IGF1R: variants seen among roughly 807,000 people sequenced by gnomAD.
The protein encoded by IGF1R is insulin-like growth factor 1 receptor.
In IGF1R, 44 loss-of-function variants were observed where a neutral mutation model predicts 144.6. The observed-to-expected ratio is 0.30, with a 90% CI of 0.24 to 0.39. The LOEUF (loss-of-function observed/expected upper bound fraction) is 0.39, where lower values mean the gene tolerates loss of function less well. IGF1R is among the 10% of genes least tolerant of loss of function. The probability of loss-of-function intolerance (pLI) is 1.00; values close to 1 mark genes in which losing one functional copy is unlikely to be tolerated. For missense variants in IGF1R, 1,355 were observed against 1,833.7 expected (o/e 0.74, Z 4.77); for synonymous variants, 795 against 722.8 (o/e 1.10, Z -1.60).
chr15:98,929,273 G>A (rs534994239), intron 13 of IGF1R, among the ~76,000 whole-genome samples: 1 of 152,206 alleles, frequency 6.6e-6, no homozygotes, highest in African/African-American at 2.4e-5. Context: ...TGCGTACAAA[G>A]ATTATTTTTC....
At chr15:98,721,420 A>G (rs2054243590) in intron 2 of IGF1R, among the ~76,000 whole-genome samples, 1 of 152,168 alleles carries the variant, frequency 6.6e-6, no homozygotes, top group Non-Finnish European at 1.5e-5. Flanking sequence ...CCCGTGGAGG[A>G]GATACTCTGT....
At chr15:98,682,146 C>T (rs1325175099) in intron 1 of IGF1R, among the ~76,000 whole-genome samples, 1 of 152,160 alleles carries the variant, frequency 6.6e-6, no homozygotes. Context: ...TATTTGGTCA[C>T]AGGAAGTGTT....
intron 2 of IGF1R, among the ~76,000 whole-genome samples, chr15:98,878,343 G>A (rs1169225572): frequency 6.6e-6 from 1 of 152,242 alleles, no homozygotes; most frequent in African/African-American, 2.4e-5. Flanking sequence ...AAATAGGGCT[G>A]TAAGCATGAA....
At position 98,857,546 on chromosome 15, in the gene IGF1R, C is replaced by G. The variant is rs2011897497; in HGVS notation, c.641-33779C>G. 2.0e-5 allele frequency among the ~76,000 whole-genome samples: 3 copies of G among 152,162 alleles called. No homozygotes were observed. The South Asian group carries it at 6.2e-4, about 32-fold the overall frequency. On this transcript the variant is annotated intron_variant, in intron 2 of 20. Coordinates refer to ENST00000650285, the MANE Select transcript of IGF1R (RefSeq NM_000875.5). The stretch of plus-strand genomic sequence containing the variant: ...CGTCTTTAAAAATAAATGTAAATAC[C>G]CAAGGCTCACAGTTCCGTTCTTCCA...
intron 1 of IGF1R, among the ~76,000 whole-genome samples, chr15:98,697,276 T>G (rs189000672): frequency 3.7e-4 from 56 of 152,270 alleles, no homozygotes; most frequent in African/African-American, 1.3e-3. Context: ...AAACATCAGA[T>G]AGTGAGAACC....
At chr15:98,690,613 C>T (rs1326200858) in intron 1 of IGF1R, among the ~76,000 whole-genome samples, 7 of 152,102 alleles carry the variant, frequency 4.6e-5, no homozygotes, top group Non-Finnish European at 1.0e-4. Context: ...TTTAAGTATA[C>T]AATTAATATG....
chr15:98,857,169 A>G (rs1567164067), intron 2 of IGF1R, among the ~76,000 whole-genome samples: 4 of 152,332 alleles, frequency 2.6e-5, no homozygotes, highest in Middle Eastern at 3.4e-3. Flanking sequence ...AGAAGCTTCT[A>G]TAAAGTGACC....
chr15:98,942,490 C>T (rs2016401595), intron 18 of IGF1R, among the ~76,000 whole-genome samples: 1 of 152,152 alleles, frequency 6.6e-6, no homozygotes, highest in African/African-American at 2.4e-5. Flanking sequence ...CACACCACCA[C>T]TCACAACTGA....
chr15:98,891,464 T>C lies in IGF1R; in HGVS notation c.780T>C (p.Cys260=), dbSNP rs777869864. Residue 260 remains cysteine, a synonymous_variant, in exon 3 of 21, where the codon TGT becomes TGC. Transcript: ENST00000650285. This position sits in a 1 kb window ranked among gnomAD's most constrained non-coding sequence, Gnocchi z 4.7. ...ACRHYYYAGV[C]VPACPPNTYR... ...GCCACTACTACTATGCCGGTGTCTG[T>C]GTGCCTGCCTGCCCGCCCAACACCT... is the stretch of plus-strand genomic sequence containing the variant. 2 of 1,613,982 alleles carry C rather than the reference T, an allele frequency of 1.2e-6. No individual in the cohort carries two copies. The highest frequency in any genetic ancestry group is 4.5e-5 in the East Asian group (2 of 44,880).
chr15:98,862,385 C>T (rs2012206224), intron 2 of IGF1R, among the ~76,000 whole-genome samples: 1 of 152,232 alleles, frequency 6.6e-6, no homozygotes, highest in South Asian at 2.1e-4. Flanking sequence ...TAACTTCCCA[C>T]TTGCACCTCG....
chr15:98,649,567 T>C lies in IGF1R; in HGVS notation c.-15T>C. ...TTTTTTTTGAGAAAGGGGAATTTCA[T>C]CCCAAATAAAAGGAATGAAGTCTGG... is the stretch of plus-strand genomic sequence containing the variant. On this transcript the variant is annotated 5_prime_UTR_variant, in exon 1 of 21. Transcript: ENST00000650285. 1 of 1,133,722 alleles carries C rather than the reference T, an allele frequency of 8.8e-7. No homozygotes were observed. Among genetic ancestry groups the C allele is most frequent in the Non-Finnish European group, 1.3e-6 (1 of 767,370 alleles). 70.2% of individuals were successfully genotyped at this position (1,133,722 alleles called of 1,614,324 possible).
intron 2 of IGF1R, among the ~76,000 whole-genome samples, chr15:98,766,769 A>G (rs1313924298): frequency 6.6e-6 from 1 of 152,208 alleles, no homozygotes; most frequent in Non-Finnish European, 1.5e-5. Flanking sequence ...AAACAGCACC[A>G]CCTTCAACTG....
At chr15:98,879,732 G>C (rs1441857616) in intron 2 of IGF1R, among the ~76,000 whole-genome samples, 2 of 152,072 alleles carry the variant, frequency 1.3e-5, no homozygotes. Flanking sequence ...TCATAGAAAG[G>C]TTACAGGGCT....
intron 1 of IGF1R, among the ~76,000 whole-genome samples, chr15:98,671,588 A>C (rs2052894103): frequency 6.6e-6 from 1 of 152,156 alleles, no homozygotes; most frequent in African/African-American, 2.4e-5. Flanking sequence ...AGCTCTTTTA[A>C]GATTCAGAAA....
At chr15:98,857,186 T>C (rs1245575672) in intron 2 of IGF1R, among the ~76,000 whole-genome samples, 1 of 152,212 alleles carries the variant, frequency 6.6e-6, no homozygotes, top group Non-Finnish European at 1.5e-5. Context: ...GACCCCACAA[T>C]TAAACTGTTT....
chr15:98,739,891 C>T (rs2054699246), intron 2 of IGF1R, among the ~76,000 whole-genome samples: 1 of 152,192 alleles, frequency 6.6e-6, no homozygotes, highest in Non-Finnish European at 1.5e-5. Context: ...CGCGCCTGGC[C>T]TGCTGTAAGA....
intron 20 of IGF1R, among the ~76,000 whole-genome samples, chr15:98,952,144 C>T (rs1392367512): frequency 6.6e-5 from 10 of 152,142 alleles, no homozygotes; most frequent in Admixed American, 5.9e-4. Flanking sequence ...GAAGGCACGA[C>T]GTCCTTTCTG....
chr15:98,659,228 A>C (rs1027679509), intron 1 of IGF1R, among the ~76,000 whole-genome samples: 9 of 151,998 alleles, frequency 5.9e-5, no homozygotes, highest in Non-Finnish European at 1.3e-4. Context: ...GTTGCTTATT[A>C]AACAGTTGTG....
At chr15:98,726,033 A>G (rs1019084455) in intron 2 of IGF1R, among the ~76,000 whole-genome samples, 2 of 152,224 alleles carry the variant, frequency 1.3e-5, no homozygotes, top group Non-Finnish European at 2.9e-5. Flanking sequence ...GCCAAATCAT[A>G]TCACCCTCTT....
Sources: gnomAD v4.1 joint callset for allele counts (sites outside exome capture counted in the v4.1 genomes callset) on GRCh38, gnomAD v4.1.1 for gene constraint, Gnocchi (gnomAD v3.1) non-coding constraint, MANE v1.5 for transcripts, NCBI Gene and HGNC (gene_info 2026-07-23, HGNC 2026-07-21) for gene names.